Variants in SETD1B observed in about 807,000 individuals in gnomAD.
The protein encoded by SETD1B is histone-lysine N-methyltransferase SETD1B.
A neutral mutation model predicts 148.0 loss-of-function variants in SETD1B; 7 were observed. The observed-to-expected ratio is 0.05, with a 90% CI of 0.03 to 0.09. The LOEUF is 0.09. SETD1B is among the 10% of genes least tolerant of loss of function. The pLI is 1.00. For synonymous variants in SETD1B, 1,361 were observed against 1,186.5 expected (o/e 1.15, Z -3.02); for missense variants, 2,155 against 2,729.9 (o/e 0.79, Z 4.69).
the SETD1B span, chr12:121,796,031 G>A: frequency 1.3e-5 from 2 of 152,308 alleles, no homozygotes; most frequent in Non-Finnish European, 2.9e-5. Context: ...CCTGGAGCGC[G>A]TTTGATTTGG....
Position 121,814,190 on chromosome 12 carries a change from C to T in SETD1B, c.1975C>T (p.Pro659Ser), listed in dbSNP as rs770336675. The T allele has an allele frequency of 4.5e-5, 69 of 1,546,386 alleles. 1 individual carries two copies. Among genetic ancestry groups the T allele is most frequent in the South Asian group, 2.3e-4 (19 of 83,892 alleles). The change falls in exon 7 of 17, where the codon CCC becomes TCC. Residue 659 changes from proline (P) to serine (S), a missense_variant. Pro to Ser is a moderately conservative substitution (Grantham distance 74, BLOSUM62 -1). Transcript: ENST00000604567. ...APITSADCPKPMVVTPGAAAV... is the reference protein window; with the variant it reads ...APITSADCPKSMVVTPGAAAV... ...CATCACCAGCGCTGACTGCCCCAAG[C>T]CCATGGTGGTGACCCCAGGAGCGGC...
At chr12:121,792,769 C>A in the SETD1B span, among the ~76,000 whole-genome samples, 1 of 152,198 alleles carries the variant, frequency 6.6e-6, no homozygotes, top group East Asian at 1.9e-4. Flanking sequence ...CCAGGCAATC[C>A]GAGCACCAAG....
the SETD1B span, chr12:121,796,201 T>A: frequency 6.6e-6 from 1 of 152,536 alleles, no homozygotes; most frequent in Non-Finnish European, 1.5e-5. Flanking sequence ...CTGCTAGAGG[T>A]TGAGGGCCTG....
At chr12:121,825,500 G>GGT in intron 13 of SETD1B, 134 bp downstream of exon 13, 4 of 380,888 alleles carry the variant, frequency 1.1e-5, no homozygotes, top group Non-Finnish European at 1.5e-5. Context: ...GGTGCAAGTG[G>GGT]AAGGGGAGAG....
Position 121,804,790 on chromosome 12 carries a change from C to T in SETD1B, c.53C>T (p.Pro18Leu). The change falls in exon 2 of 17, where the codon CCC becomes CTC. Residue 18 changes from proline (P) to leucine (L), a missense_variant. Coordinates refer to ENST00000604567, the MANE Select transcript of SETD1B (RefSeq NM_001353345.2). The surrounding 1 kb of genome is among the most constrained non-coding windows in gnomAD (Gnocchi z 4.6). ...HHHHQQPPPQ[P>L]GPSGERRNHH... is the part of the protein sequence containing the mutation. Reference sequence around the variant, plus strand: ...CACCACCAGCAGCCCCCGCCGCAGCCCGGCCCTTCGGGCGAGAGGAGGAAC... The same window carrying T: ...CACCACCAGCAGCCCCCGCCGCAGCTCGGCCCTTCGGGCGAGAGGAGGAAC... 1 of 1,550,908 alleles carries T rather than the reference C, an allele frequency of 6.4e-7. No individual in the cohort carries two copies. The highest frequency in any genetic ancestry group is 8.7e-7 in the Non-Finnish European group (1 of 1,146,764).
At chr12:121,828,288 G>C (rs1797002120) in intron 16 of SETD1B, among the ~76,000 whole-genome samples, 1 of 152,276 alleles carries the variant, frequency 6.6e-6, no homozygotes, top group Non-Finnish European at 1.5e-5. Flanking sequence ...TGGGCATAGT[G>C]AGACTTCTGT....
In SETD1B at chr12:121,805,201, G is replaced by A. The variant is rs1181374759; in HGVS notation, c.258G>A (p.Ser86=). ...CCAAAAACAAGGAGCTGGAGCTGTC[G>A]GTGCCCAAATTCAAGGTAGGACCCC... ...IWTKNKELEL[S]VPKFKIDEFY... is the part of the protein sequence containing the mutation. Residue 86 remains serine, a synonymous_variant, in exon 3 of 17, where the codon TCG becomes TCA. Transcript: ENST00000604567. The surrounding 1 kb of genome is among the most constrained non-coding windows in gnomAD (Gnocchi z 4.2). 9.7e-6 allele frequency: 15 copies of A among 1,550,866 alleles called. No individual in the cohort carries two copies. The highest frequency in any genetic ancestry group is 2.4e-5 in the East Asian group (1 of 40,906).
upstream of SETD1B, chr12:121,799,667 G>A (rs1023979789): frequency 6.8e-6 from 1 of 147,512 alleles, no homozygotes; most frequent in Non-Finnish European, 1.5e-5. Flanking sequence ...GCTGACAGAC[G>A]GGGATGGATG....
In SETD1B at chr12:121,823,457, T is replaced by A. The variant is rs1488420465; in HGVS notation, c.4878T>A (p.Asp1626Glu). Residue 1626 changes from aspartate to glutamate, a missense_variant, in exon 12 of 17, where the codon GAT (aspartate) becomes GAA (glutamate). By Grantham distance (45) the Asp-to-Glu change is conservative (BLOSUM62 2). This residue lies in a region of SETD1B where 862 missense variants were observed against 873.8 expected (regional missense o/e 0.99). Coordinates refer to ENST00000604567, the MANE Select transcript of SETD1B (RefSeq NM_001353345.2). ...TTCCTCCGGGCCCCCGTGGGCGCGA[T>A]GAGGTCACTGAGGAATACATGGAGT... ...EAIPPGPRGRDEVTEEYMELA... is the reference protein window; with the variant it reads ...EAIPPGPRGREEVTEEYMELA... 2.6e-6 allele frequency: 4 copies of A among 1,549,490 alleles called. No homozygotes were observed. The African/African-American group carries it at 5.5e-5, about 21-fold the overall frequency.
At position 121,814,724 on chromosome 12, in the gene SETD1B, C is replaced by T. The variant is rs1188779095; in HGVS notation, c.2509C>T (p.Leu837=). The T allele has an allele frequency of 6.4e-7, 1 of 1,551,114 alleles. No homozygotes were observed. Among genetic ancestry groups the T allele is most frequent in the Non-Finnish European group, 8.7e-7 (1 of 1,146,994 alleles). Residue 837 remains leucine, a synonymous_variant, in exon 7 of 17, where the codon CTG becomes TTG. Coordinates refer to ENST00000604567, the MANE Select transcript of SETD1B (RefSeq NM_001353345.2). Reference sequence around the variant, plus strand: ...AGGCCGCGGGCAGCACTGGCCACCACTGCCCAAGTTTGACCCGTCAGTGCC... The same window carrying T: ...AGGCCGCGGGCAGCACTGGCCACCATTGCCCAAGTTTGACCCGTCAGTGCC... ...GPGRGQHWPP[L]PKFDPSVPPP... is the part of the protein sequence containing the mutation.
upstream of SETD1B, among the ~76,000 whole-genome samples, chr12:121,799,019 A>C (rs552839415): frequency 2.1e-4 from 32 of 152,344 alleles, no homozygotes; most frequent in South Asian, 6.6e-3. Flanking sequence ...CATCAGCCTC[A>C]CCTCACCTGG....
intron 16 of SETD1B, among the ~76,000 whole-genome samples, chr12:121,828,921 C>T (rs1182157387): frequency 6.6e-6 from 1 of 152,172 alleles, no homozygotes; most frequent in Admixed American, 6.5e-5. Flanking sequence ...TTGATCCTTG[C>T]CTGGGTGGTA....
intron 16 of SETD1B, among the ~76,000 whole-genome samples, chr12:121,829,849 A>G (rs1411537773): frequency 6.6e-6 from 1 of 152,204 alleles, no homozygotes; most frequent in Non-Finnish European, 1.5e-5. Flanking sequence ...ATGGAAATGA[A>G]AGGCCTGGGA....
intron 10 of SETD1B, among the ~76,000 whole-genome samples, chr12:121,818,895 A>T (rs1876430078): frequency 6.6e-6 from 1 of 151,610 alleles, no homozygotes; most frequent in Non-Finnish European, 1.5e-5. Flanking sequence ...GTCTCAAAAA[A>T]AAAAAAAAAA....
chr12:121,805,791 G>A lies in SETD1B; in HGVS notation c.274-44G>A, dbSNP rs1287134144. 18 of 1,531,786 alleles carry A rather than the reference G, an allele frequency of 1.2e-5. No individual in the cohort carries two copies. Among genetic ancestry groups the A allele is most frequent in the Non-Finnish European group, 1.3e-5 (15 of 1,135,644 alleles). 94.9% of individuals were successfully genotyped at this position (1,531,786 alleles called of 1,614,324 possible). A position where few individuals can be genotyped will look rare whatever the true frequency, so the allele number is the denominator to read the frequency against. ...GGGGGGATGTTGTGTTTTCCCTTAG[G>A]TTTAAACGTTCTTCAAACTCCCTTC... is the stretch of plus-strand genomic sequence containing the variant. On this transcript the variant is annotated intron_variant, in intron 3 of 16. Coordinates refer to ENST00000604567, the MANE Select transcript of SETD1B (RefSeq NM_001353345.2). This position sits in a 1 kb window ranked among gnomAD's most constrained non-coding sequence, Gnocchi z 4.2.
At chr12:121,798,663 T>C in the SETD1B span, among the ~76,000 whole-genome samples, 5 of 152,190 alleles carry the variant, frequency 3.3e-5, no homozygotes, top group African/African-American at 1.2e-4. Flanking sequence ...TCCTTGTTAA[T>C]CCGAACAGGC....
the SETD1B span, chr12:121,793,487 G>C: frequency 6.5e-7 from 1 of 1,540,728 alleles, no homozygotes; most frequent in Non-Finnish European, 8.7e-7. Flanking sequence ...GCCCCGCTGC[G>C]GGCCTCACCT....
Position 121,823,017 on chromosome 12 carries a change from C to T in SETD1B, c.4438C>T (p.Leu1480=). Residue 1480 remains leucine, a synonymous_variant, in exon 12 of 17, where the codon CTG becomes TTG. Transcript: ENST00000604567. Reference sequence around the variant, plus strand: ...CCTGCCCCTCCCTCTGCCCCTTCCCCTGCCCTTGCCCTTGGCATTGCCCGC... The same window carrying T: ...CCTGCCCCTCCCTCTGCCCCTTCCCTTGCCCTTGCCCTTGGCATTGCCCGC... ...TGLPLPLPLP[L]PLPLALPAVL... is the part of the protein sequence containing the mutation. 6.6e-7 allele frequency: 1 copy of T among 1,521,192 alleles called. No homozygotes were observed. The highest frequency in any genetic ancestry group is 1.7e-4 in the Middle Eastern group (1 of 5,848). 94.2% of individuals were successfully genotyped at this position (1,521,192 alleles called of 1,614,324 possible).
intron 11 of SETD1B, among the ~76,000 whole-genome samples, chr12:121,821,440 A>G (rs1172670537): frequency 6.6e-6 from 1 of 151,288 alleles, no homozygotes; most frequent in African/African-American, 2.4e-5. Flanking sequence ...CTGTCTTAAA[A>G]AAAAAAAAAA....
Sources: gnomAD v4.1 joint callset for allele counts (sites outside exome capture counted in the v4.1 genomes callset) on GRCh38, gnomAD v4.1.1 for gene constraint, gnomAD v4.1.1 regional missense constraint, Gnocchi (gnomAD v3.1) non-coding constraint, MANE v1.5 for transcripts, NCBI Gene and HGNC (gene_info 2026-07-23, HGNC 2026-07-21) for gene names.